The following CNTN1 variants were observed in gnomAD, a reference collection of about 807,000 sequenced individuals.
The protein encoded by CNTN1 is contactin 1.
Under a neutral mutation model 126.4 loss-of-function variants are expected in CNTN1, and 38 were observed. That is an observed-to-expected ratio of 0.30 (90% CI 0.23 to 0.39). The LOEUF is 0.39. CNTN1 is among the 10% of genes least tolerant of loss of function. The pLI is 1.00. For synonymous variants in CNTN1, 413 were observed against 422.6 expected, an observed-to-expected ratio of 0.98 and a Z score of 0.28; for missense variants, 1,009 against 1,248.4, an observed-to-expected ratio of 0.81 and a Z score of 2.89.
intron 1 of CNTN1, among the ~76,000 whole-genome samples, chr12:40,906,851 A>AT (rs1944848648): frequency 6.6e-6 from 1 of 151,180 alleles, no homozygotes; most frequent in Non-Finnish European, 1.5e-5. Flanking sequence ...CTAGTTTTAT[A>AT]TTTTTAGTAG....
intron 11 of CNTN1, among the ~76,000 whole-genome samples, chr12:40,938,977 T>C (rs11179116): frequency 0.17 from 26,382 of 151,978 alleles, 2,280 homozygotes; most frequent in Middle Eastern, 0.2. Context: ...AGTTTTGCCG[T>C]GTTACCCAGT....
intron 1 of CNTN1, among the ~76,000 whole-genome samples, chr12:40,744,908 A>T (rs764986128): frequency 2.0e-4 from 30 of 152,042 alleles, no homozygotes; most frequent in Non-Finnish European, 4.0e-4. Context: ...AAATAATCAT[A>T]TTTATTTTAT....
intron 3 of CNTN1, among the ~76,000 whole-genome samples, chr12:40,913,106 A>G (rs1319139816): frequency 6.6e-6 from 1 of 152,242 alleles, no homozygotes; most frequent in African/African-American, 2.4e-5. Flanking sequence ...AATTTAGTTC[A>G]CTTAACTTTC....
At chr12:40,906,925 G>T in intron 1 of CNTN1, among the ~76,000 whole-genome samples, 1 of 151,998 alleles carries the variant, frequency 6.6e-6, no homozygotes, top group East Asian at 1.9e-4. Flanking sequence ...TGATCTACGA[G>T]CTTCAGCCTC....
At chr12:40,797,152 G>A (rs1403999051) in intron 1 of CNTN1, among the ~76,000 whole-genome samples, 1 of 152,032 alleles carries the variant, frequency 6.6e-6, no homozygotes, top group Non-Finnish European at 1.5e-5. Context: ...GCAGAGATAT[G>A]AGGGTAAGTG....
At chr12:40,991,702 C>A (rs1340578594) in intron 16 of CNTN1, among the ~76,000 whole-genome samples, 1 of 152,172 alleles carries the variant, frequency 6.6e-6, no homozygotes, top group Non-Finnish European at 1.5e-5. Flanking sequence ...GTGGCATAAG[C>A]CTGTAGTCCC....
chr12:40,804,277 T>C (rs897696136), intron 1 of CNTN1, among the ~76,000 whole-genome samples: 2 of 152,052 alleles, frequency 1.3e-5, no homozygotes, highest in Non-Finnish European at 1.5e-5. Context: ...CATTTATAAA[T>C]GTTAATAAAA....
chr12:41,016,130 T>G (rs1328958041), intron 18 of CNTN1, among the ~76,000 whole-genome samples: 2 of 152,020 alleles, frequency 1.3e-5, no homozygotes, highest in African/African-American at 2.4e-5. Flanking sequence ...TACATATTAC[T>G]TGAAGCCCTG....
At chr12:40,990,074 T>C (rs866713327) in intron 16 of CNTN1, among the ~76,000 whole-genome samples, 4 of 152,164 alleles carry the variant, frequency 2.6e-5, no homozygotes, top group Admixed American at 6.5e-5. Flanking sequence ...TAGACGTTAA[T>C]CATGTTTTTG....
At chr12:40,924,704 G>A (rs1945575571) in intron 6 of CNTN1, 52 bp downstream of exon 6, 1 of 962,976 alleles carries the variant, frequency 1.0e-6, no homozygotes, top group Admixed American at 1.7e-5. Context: ...AAATGGACAA[G>A]TTTCCATTTT....
At chr12:41,067,612 T>A (rs1404142840) in intron 23 of CNTN1, among the ~76,000 whole-genome samples, 1 of 73,584 alleles carries the variant, frequency 1.4e-5, no homozygotes, top group Admixed American at 2.0e-4. Flanking sequence ...CTCTGGGGAC[T>A]GTGGTGGGGT....
chr12:40,755,353 G>A (rs1433251719), intron 1 of CNTN1, among the ~76,000 whole-genome samples: 1 of 151,588 alleles, frequency 6.6e-6, no homozygotes. Context: ...TCTGGGAAAA[G>A]AGAAGTAATA....
At chr12:40,927,314 G>T (rs1361584850) in intron 6 of CNTN1, among the ~76,000 whole-genome samples, 1 of 152,066 alleles carries the variant, frequency 6.6e-6, no homozygotes, top group African/African-American at 2.4e-5. Flanking sequence ...CAAAGAAGAT[G>T]GTCTGTTGAG....
intron 1 of CNTN1, among the ~76,000 whole-genome samples, chr12:40,712,877 G>T (rs1941957364): frequency 1.3e-5 from 2 of 151,828 alleles, no homozygotes; most frequent in South Asian, 4.1e-4. Flanking sequence ...AAAATATTAG[G>T]GTCATCAGGG....
chr12:40,999,075 C>G (rs9652040), intron 17 of CNTN1, among the ~76,000 whole-genome samples: 16,563 of 152,012 alleles, frequency 0.11, 1,675 homozygotes, highest in African/African-American at 0.27. Context: ...TTTAAGCATT[C>G]AGATCTGAAA....
chr12:40,805,453 T>C (rs1940814176), intron 1 of CNTN1, among the ~76,000 whole-genome samples: 1 of 152,086 alleles, frequency 6.6e-6, no homozygotes, highest in African/African-American at 2.4e-5. Flanking sequence ...CTGGTTGGTC[T>C]ATCAAAGAAA....
chr12:40,986,862 T>C (rs1947967375), intron 16 of CNTN1, among the ~76,000 whole-genome samples: 1 of 152,178 alleles, frequency 6.6e-6, no homozygotes, highest in African/African-American at 2.4e-5. Context: ...TGTTCTTTGA[T>C]CTCCCCACGT....
At chr12:40,774,255 A>G (rs1939488608) in intron 1 of CNTN1, among the ~76,000 whole-genome samples, 1 of 151,648 alleles carries the variant, frequency 6.6e-6, no homozygotes, top group Non-Finnish European at 1.5e-5. Flanking sequence ...TTGGTGACAA[A>G]AGGAAGGAGC....
chr12:40,715,122 G>T (rs1414202537), intron 1 of CNTN1, among the ~76,000 whole-genome samples: 1 of 152,142 alleles, frequency 6.6e-6, no homozygotes, highest in Non-Finnish European at 1.5e-5. Flanking sequence ...AAGCATAAAT[G>T]TACATTGAAT....
Sources: gnomAD v4.1 joint callset for allele counts (sites outside exome capture counted in the v4.1 genomes callset) on GRCh38, gnomAD v4.1.1 for gene constraint, MANE v1.5 for transcripts, NCBI Gene and HGNC (gene_info 2026-07-23, HGNC 2026-07-21) for gene names.